Variants in GLYATL1 observed in about 807,000 individuals in gnomAD.
The protein encoded by GLYATL1 is glycine N-acyltransferase-like protein 1.
In GLYATL1, 15 loss-of-function variants were observed where a neutral mutation model predicts 20.0. The observed-to-expected ratio is 0.75, with a 90% CI of 0.50 to 1.15. GLYATL1 has a LOEUF of 1.15. Ranked by LOEUF, GLYATL1 falls within the 50% of genes most tolerant of loss-of-function variation. The probability of loss-of-function intolerance (pLI) is 0.00; values close to 1 mark genes in which losing one functional copy is unlikely to be tolerated. For synonymous variants in GLYATL1, 151 were observed against 131.5 expected (o/e 1.15, Z -1.01); for missense variants, 380 against 368.5 (o/e 1.03, Z -0.26).
upstream of GLYATL1, among the ~76,000 whole-genome samples, chr11:58,938,666 G>A (rs184036314): frequency 2.6e-5 from 4 of 152,260 alleles, no homozygotes; most frequent in African/African-American, 9.6e-5. Context: ...TCAGAGAAGT[G>A]GACTTGGAGA....
intron 1 of GLYATL1, among the ~76,000 whole-genome samples, chr11:58,916,586 G>A (rs536604373): frequency 6.6e-6 from 1 of 152,270 alleles, no homozygotes; most frequent in East Asian, 1.9e-4. Flanking sequence ...TCTGGGACTG[G>A]CACTGAATCC....
At chr11:58,942,215 T>C (rs1359477160) in intron 1 of GLYATL1, among the ~76,000 whole-genome samples, 1 of 152,202 alleles carries the variant, frequency 6.6e-6, no homozygotes, top group African/African-American at 2.4e-5. Context: ...CTGGATGTTT[T>C]ATAATGAACT....
At chr11:58,914,499 A>G (rs1470741516) in intron 1 of GLYATL1, among the ~76,000 whole-genome samples, 2 of 152,182 alleles carry the variant, frequency 1.3e-5, no homozygotes, top group East Asian at 3.8e-4. Flanking sequence ...ATATCATTAC[A>G]TGGGTTGGGA....
intron 1 of GLYATL1, among the ~76,000 whole-genome samples, chr11:58,930,138 G>A (rs1320342799): frequency 6.6e-6 from 1 of 152,114 alleles, no homozygotes; most frequent in Admixed American, 6.5e-5. Context: ...GTTTTAATTA[G>A]TGGAAATAAT....
At chr11:58,947,243 C>T in intron 3 of GLYATL1, 78 bp downstream of exon 3, 3 of 1,528,116 alleles carry the variant, frequency 2.0e-6, no homozygotes, top group Non-Finnish European at 2.6e-6. Context: ...TGATTCTAGT[C>T]CTTCCTGACT....
At chr11:58,917,092 T>C (rs1295733757) in intron 1 of GLYATL1, 2 of 152,206 alleles carry the variant, frequency 1.3e-5, no homozygotes, top group Admixed American at 6.5e-5. Context: ...TCTGATCCTT[T>C]TGTTACTTGA....
upstream of GLYATL1, among the ~76,000 whole-genome samples, chr11:58,936,904 T>C (rs978129372): frequency 6.6e-6 from 1 of 152,174 alleles, no homozygotes; most frequent in Admixed American, 6.5e-5. Flanking sequence ...CAGAACAGTT[T>C]AGCATGACTT....
upstream of GLYATL1, among the ~76,000 whole-genome samples, chr11:58,926,687 G>A (rs781734647): frequency 1.4e-5 from 2 of 140,434 alleles, no homozygotes; most frequent in African/African-American, 6.5e-5. Context: ...TGATGATATC[G>A]AGTCATAACT....
intron 4 of GLYATL1, among the ~76,000 whole-genome samples, chr11:58,951,786 C>T (rs926676425): frequency 6.6e-6 from 1 of 151,898 alleles, no homozygotes; most frequent in Non-Finnish European, 1.5e-5. Context: ...AAATTATTTT[C>T]CTGTTATATT....
At chr11:58,940,840 G>C (rs185134837) in intron 1 of GLYATL1, among the ~76,000 whole-genome samples, 5 of 152,228 alleles carry the variant, frequency 3.3e-5, no homozygotes, top group Admixed American at 3.3e-4. Flanking sequence ...AGTGATTCAT[G>C]CTTGTAGTTC....
chr11:58,921,062 T>C (rs139754351), intron 1 of GLYATL1, among the ~76,000 whole-genome samples: 1 of 152,318 alleles, frequency 6.6e-6, no homozygotes, highest in East Asian at 1.9e-4. Context: ...TCTTTGATTG[T>C]TTTTAAGGCC....
intron 2 of GLYATL1, among the ~76,000 whole-genome samples, chr11:58,945,053 A>ATG (rs1308674717): frequency 6.8e-6 from 1 of 147,056 alleles, no homozygotes; most frequent in Non-Finnish European, 1.5e-5. Flanking sequence ...AGGGGTATAT[A>ATG]TATATATACC....
chr11:58,949,885 T>C (rs1465765209), intron 4 of GLYATL1, among the ~76,000 whole-genome samples: 1 of 152,032 alleles, frequency 6.6e-6, no homozygotes, highest in Non-Finnish European at 1.5e-5. Flanking sequence ...ATCACAAAGA[T>C]AATCTATGTT....
rs557430660 is a variant in GLYATL1, at chr11:58,949,479, G to A, written c.186+1514G>A. 4.9e-4 allele frequency among the ~76,000 whole-genome samples: 75 copies of A among 152,288 alleles called. No homozygotes were observed. The Middle Eastern group carries it at 0.02, about 41-fold the overall frequency. ...ATCAATGGTCCAATTTCTTCAAAGT[G>A]TGGTATGCTAGATAACTGTAGGAAG... On this transcript the variant is annotated intron_variant, in intron 4 of 6. Coordinates refer to ENST00000532726, the MANE Select transcript of GLYATL1 (RefSeq NM_001389712.2).
At chr11:58,947,287 G>A (rs914739222) in intron 3 of GLYATL1, 122 bp downstream of exon 3, 1 of 1,334,342 alleles carries the variant, frequency 7.5e-7, no homozygotes, top group Non-Finnish European at 1.0e-6. Context: ...AAACAGGATG[G>A]GACTGGGGGC....
intron 1 of GLYATL1, among the ~76,000 whole-genome samples, chr11:58,931,273 A>G (rs181731912): frequency 2.6e-5 from 4 of 152,204 alleles, no homozygotes; most frequent in African/African-American, 9.6e-5. Context: ...CCCCTTTTCT[A>G]AGGATATCAG....
intron 1 of GLYATL1, chr11:58,928,436 T>A (rs488446): frequency 0.52 from 78,502 of 151,924 alleles, 20,290 homozygotes; most frequent in East Asian, 0.58. Context: ...ACTTCCTTCA[T>A]AGCTTGCCTT....
At chr11:58,943,395 T>G in intron 1 of GLYATL1, 148 bp from the exon 2 acceptor site, 1 of 1,534,934 alleles carries the variant, frequency 6.5e-7, no homozygotes, top group Non-Finnish European at 8.8e-7. Flanking sequence ...ACTTTACCTT[T>G]TTTGTCTATA....
chr11:58,927,224 T>C (rs940682026), upstream of GLYATL1, among the ~76,000 whole-genome samples: 5 of 152,220 alleles, frequency 3.3e-5, no homozygotes, highest in African/African-American at 1.2e-4. Flanking sequence ...TAAACTGGAT[T>C]TGTAGAGCTA....
Sources: allele counts gnomAD v4.1 joint callset (sites outside exome capture counted in the v4.1 genomes callset), GRCh38; gene constraint gnomAD v4.1.1; transcripts MANE v1.5; gene names NCBI Gene and HGNC (gene_info 2026-07-23, HGNC 2026-07-21).